CORO2B: variants seen among roughly 807,000 people sequenced by gnomAD.
CORO2B encodes coronin-2B.
CORO2B carries 26 observed loss-of-function variants against 58.8 expected under a neutral mutation model. The observed-to-expected ratio is 0.44, with a 90% CI of 0.32 to 0.61. CORO2B has a LOEUF of 0.61. CORO2B is among the 20% of genes least tolerant of loss of function. The pLI is 0.04. For missense variants in CORO2B, 460 were observed against 645.1 expected (o/e 0.71, Z 3.11); for synonymous variants, 242 against 253.8 (o/e 0.95, Z 0.44).
chr15:68,724,295 C>G (rs1211561019), intron 11 of CORO2B, among the ~76,000 whole-genome samples: 1 of 152,130 alleles, frequency 6.6e-6, no homozygotes, highest in Non-Finnish European at 1.5e-5. Flanking sequence ...TCAAGGAGGC[C>G]CTCCCTGGTT....
At chr15:68,608,631 A>G (rs757230461) in intron 1 of CORO2B, among the ~76,000 whole-genome samples, 14 of 152,164 alleles carry the variant, frequency 9.2e-5, no homozygotes, top group South Asian at 2.1e-4. Flanking sequence ...GTCAGGGAAC[A>G]TACTCCCCTC....
intron 1 of CORO2B, among the ~76,000 whole-genome samples, chr15:68,631,447 T>C (rs1002464860): frequency 6.6e-6 from 1 of 152,200 alleles, no homozygotes; most frequent in Non-Finnish European, 1.5e-5. Context: ...GTCCAGTAGA[T>C]ACCTAGTAAG....
intron 2 of CORO2B, among the ~76,000 whole-genome samples, chr15:68,653,883 C>A (rs1901721258): frequency 6.7e-6 from 1 of 150,154 alleles, no homozygotes; most frequent in Non-Finnish European, 1.5e-5. Flanking sequence ...ATGCCTGAAT[C>A]TTCATCACTG....
At chr15:68,535,642 C>A in the CORO2B span, among the ~76,000 whole-genome samples, 1 of 152,152 alleles carries the variant, frequency 6.6e-6, no homozygotes. Context: ...AGAGCACCTG[C>A]CACTGGCATT....
upstream of CORO2B, among the ~76,000 whole-genome samples, chr15:68,577,591 C>T (rs1345742073): frequency 6.6e-6 from 1 of 151,912 alleles, no homozygotes; most frequent in African/African-American, 2.4e-5. Context: ...CGTGGTAGCG[C>T]GTTCCTGTAG....
chr15:68,588,361 TC>T (rs891571394), intron 1 of CORO2B, among the ~76,000 whole-genome samples: 1 of 152,242 alleles, frequency 6.6e-6, no homozygotes, highest in African/African-American at 2.4e-5. Flanking sequence ...CTCTTCCTGT[TC>T]TGTCTATTTT....
upstream of CORO2B, among the ~76,000 whole-genome samples, chr15:68,577,155 G>T (rs1464221523): frequency 1.3e-5 from 2 of 152,140 alleles, no homozygotes; most frequent in Admixed American, 1.3e-4. Context: ...TAAGTCCCTG[G>T]AACTCCCCTG....
the CORO2B span, among the ~76,000 whole-genome samples, chr15:68,564,600 C>A: frequency 6.6e-6 from 1 of 152,202 alleles, no homozygotes; most frequent in South Asian, 2.1e-4. Flanking sequence ...GCATGAGCCA[C>A]AGTTCCTGGC....
the CORO2B span, among the ~76,000 whole-genome samples, chr15:68,535,406 A>G: frequency 6.6e-6 from 1 of 152,246 alleles, no homozygotes; most frequent in African/African-American, 2.4e-5. Flanking sequence ...AAATGAGAAT[A>G]TTGATGATAA....
At chr15:68,648,343 A>AG (rs979248762) in intron 2 of CORO2B, among the ~76,000 whole-genome samples, 1 of 150,772 alleles carries the variant, frequency 6.6e-6, no homozygotes, top group Admixed American at 6.6e-5. Context: ...AAAAAAAAAA[A>AG]AAACGAAAGA....
chr15:68,696,963 G>A, intron 3 of CORO2B, among the ~76,000 whole-genome samples: 1 of 152,370 alleles, frequency 6.6e-6, no homozygotes, highest in Admixed American at 6.5e-5. Context: ...CAGAGCTCAT[G>A]TCTCCCTGTC....
At chr15:68,632,747 C>T (rs1301522097) in intron 1 of CORO2B, among the ~76,000 whole-genome samples, 8 of 152,224 alleles carry the variant, frequency 5.3e-5, no homozygotes, top group Middle Eastern at 3.4e-3. Flanking sequence ...CGCGCTAGCA[C>T]GCTTGGCTAA....
In CORO2B at chr15:68,650,355, CTAAAAAAAAAAAAAAAA is replaced by C. The variant is rs1901596144; in HGVS notation, c.216+4996_216+5012del. On this transcript the variant is annotated intron_variant, in intron 2 of 11. Coordinates refer to ENST00000261861, the MANE Select transcript of CORO2B (RefSeq NM_006091.5). The stretch of plus-strand genomic sequence containing the variant: ...CTGGGCAACAAGAGCGAAACTCTGT[CTAAAAAAAAAAAAAAAA>C]AAAAAAAAAAAAAAAAAAAAAAAAA... 2.0e-4 allele frequency among the ~76,000 whole-genome samples: 17 copies of C among 85,134 alleles called. 1 individual carries two copies. The highest frequency in any genetic ancestry group is 7.4e-4 in the African/African-American group (14 of 19,016). The allele number at this position is 85,134 out of a possible 152,430, so 55.9% of individuals were successfully genotyped here.
At chr15:68,612,192 C>T (rs551248243) in intron 1 of CORO2B, among the ~76,000 whole-genome samples, 2 of 152,194 alleles carry the variant, frequency 1.3e-5, no homozygotes, top group Admixed American at 1.3e-4. Context: ...ATCTTAGAAG[C>T]TCTGGATGCA....
At chr15:68,526,802 A>G in the CORO2B span, among the ~76,000 whole-genome samples, 1 of 152,198 alleles carries the variant, frequency 6.6e-6, no homozygotes, top group East Asian at 1.9e-4. Flanking sequence ...GTGTATGTGT[A>G]CCTAGTAAAA....
At chr15:68,565,657 G>A in the CORO2B span, among the ~76,000 whole-genome samples, 1 of 152,100 alleles carries the variant, frequency 6.6e-6, no homozygotes, top group African/African-American at 2.4e-5. Flanking sequence ...ATAGTGGACG[G>A]GATGACCCTC....
intron 2 of CORO2B, among the ~76,000 whole-genome samples, chr15:68,651,404 A>T (rs533224737): frequency 1.3e-5 from 2 of 152,170 alleles, no homozygotes; most frequent in Non-Finnish European, 2.9e-5. Flanking sequence ...GTTCCACACT[A>T]GCCGATTTTC....
chr15:68,559,470 C>T, the CORO2B span: 1 of 378,762 alleles, frequency 2.6e-6, no homozygotes, highest in Non-Finnish European at 3.6e-6. The surrounding 1 kb of genome is among the most constrained non-coding windows in gnomAD (Gnocchi z 4.3). Context: ...ATCCCTGCCC[C>T]AGTCTTGAGT....
At chr15:68,570,437 A>G in the CORO2B span, among the ~76,000 whole-genome samples, 3 of 152,200 alleles carry the variant, frequency 2.0e-5, no homozygotes, top group East Asian at 5.8e-4. Flanking sequence ...GTTAGGGGCT[A>G]CTGTGGATCT....
Sources: allele counts gnomAD v4.1 joint callset (sites outside exome capture counted in the v4.1 genomes callset), GRCh38; gene constraint gnomAD v4.1.1; non-coding constraint Gnocchi (gnomAD v3.1); transcripts MANE v1.5; gene names NCBI Gene and HGNC (gene_info 2026-07-23, HGNC 2026-07-21).